Variants in PDZD2 observed in about 807,000 individuals in gnomAD.
PDZD2 encodes the protein PDZ domain-containing protein 2.
Under a neutral mutation model 220.7 loss-of-function variants are expected in PDZD2, and 90 were observed. That is an observed-to-expected ratio of 0.41 (90% CI 0.34 to 0.49). The LOEUF is 0.49. Ranked by LOEUF, PDZD2 falls within the 20% of genes least tolerant of loss-of-function variation. The probability of loss-of-function intolerance (pLI) is 0.28; values close to 1 mark genes in which losing one functional copy is unlikely to be tolerated. For missense variants in PDZD2, 3,174 were observed against 3,608.5 expected (o/e 0.88, Z 3.08); for synonymous variants, 1,375 against 1,450.5 (o/e 0.95, Z 1.18).
At chr5:31,679,929 A>C (rs1331207612) in intron 1 of PDZD2, among the ~76,000 whole-genome samples, 3 of 152,210 alleles carry the variant, frequency 2.0e-5, no homozygotes, top group Non-Finnish European at 4.4e-5. Context: ...GGAATGCCTA[A>C]ACTTACATAA....
intron 1 of PDZD2, among the ~76,000 whole-genome samples, chr5:31,781,884 G>A (rs1352046517): frequency 6.6e-6 from 1 of 152,186 alleles, no homozygotes; most frequent in East Asian, 1.9e-4. Context: ...GGCATTTAGG[G>A]AAGGCAGCTG....
rs983652518 is a variant in PDZD2 at position 31,696,218 on chromosome 5, T to G, written c.-361+56781T>G. On this transcript the variant is annotated intron_variant, in intron 1 of 24. Coordinates refer to ENST00000438447, the MANE Select transcript of PDZD2 (RefSeq NM_178140.4). The stretch of plus-strand genomic sequence containing the variant: ...AGGGGTTCAATCAGTGACTGATGAA[T>G]GAATGAATGAGTGAGCGAATGAATG... Among the ~76,000 whole-genome samples, 9 of 152,282 alleles carry G rather than the reference T, an allele frequency of 5.9e-5. No individual in the cohort carries two copies. The East Asian group carries it at 7.7e-4, about 13-fold the overall frequency.
chr5:32,035,330 G>A (rs557437558), intron 6 of PDZD2, among the ~76,000 whole-genome samples: 3 of 151,676 alleles, frequency 2.0e-5, no homozygotes, highest in South Asian at 2.1e-4. Context: ...GCGTGATCTC[G>A]GCTCACTGCA....
At chr5:31,870,811 C>A (rs577582491) in intron 2 of PDZD2, among the ~76,000 whole-genome samples, 2 of 151,744 alleles carry the variant, frequency 1.3e-5, no homozygotes, top group African/African-American at 2.4e-5. Flanking sequence ...ATTGCTTGAA[C>A]CCAGGAGGTG....
intron 3 of PDZD2, among the ~76,000 whole-genome samples, chr5:31,994,322 T>A (rs1751467318): frequency 6.6e-6 from 1 of 152,034 alleles, no homozygotes; most frequent in South Asian, 2.1e-4. Flanking sequence ...TTTTGTTTTT[T>A]TTTTAAAGAT....
At chr5:31,717,979 G>A (rs963665508) in intron 1 of PDZD2, among the ~76,000 whole-genome samples, 4 of 152,156 alleles carry the variant, frequency 2.6e-5, no homozygotes, top group Non-Finnish European at 4.4e-5. Context: ...TCTTTTCCTC[G>A]CCTCTCCTTC....
chr5:31,694,872 C>G (rs1054262411), intron 1 of PDZD2, among the ~76,000 whole-genome samples: 2 of 151,458 alleles, frequency 1.3e-5, no homozygotes, highest in African/African-American at 4.9e-5. Context: ...GCCTGTAATC[C>G]CAGCACTTTG....
At chr5:31,831,437 A>G (rs894371049) in intron 2 of PDZD2, among the ~76,000 whole-genome samples, 5 of 151,468 alleles carry the variant, frequency 3.3e-5, no homozygotes, top group Admixed American at 6.6e-5. Context: ...AACATGGTGA[A>G]ACCCCGTCTC....
rs1385913596 is a variant in PDZD2, at chr5:31,989,416, C to CTT, written c.978+5763_978+5764dup. ...TATTCTGTGGTATATACCACATTTT[C>CTT]TTTTCTTTTTTTTTTTTTTTTTTTG... On this transcript the variant is annotated intron_variant, in intron 3 of 24. Transcript: ENST00000438447. Among the ~76,000 whole-genome samples the CTT allele has an allele frequency of 2.5e-5, 3 of 120,680 alleles. 1 individual carries two copies. The East Asian group carries it at 8.7e-4, about 35-fold the overall frequency. The allele number at this position is 120,680 out of a possible 152,430, so 79.2% of individuals were successfully genotyped here.
At chr5:32,042,530 G>A (rs781245739) in intron 7 of PDZD2, among the ~76,000 whole-genome samples, 7 of 152,200 alleles carry the variant, frequency 4.6e-5, no homozygotes, top group South Asian at 4.1e-4. Context: ...CCAAGATTGC[G>A]CCACTGCTTT....
At chr5:31,888,562 GTGGTGTCTT>G (rs1740730382) in intron 2 of PDZD2, among the ~76,000 whole-genome samples, 1 of 152,240 alleles carries the variant, frequency 6.6e-6, no homozygotes, top group Non-Finnish European at 1.5e-5. Flanking sequence ...TTGTGAGGCA[GTGGTGTCTT>G]TGTAGGCTTG....
At chr5:31,655,408 A>G (rs536491680) in intron 1 of PDZD2, among the ~76,000 whole-genome samples, 3 of 152,126 alleles carry the variant, frequency 2.0e-5, no homozygotes, top group Non-Finnish European at 2.9e-5. Context: ...TCCTGACCTC[A>G]TGATCTGCCC....
chr5:32,003,165 C>T (rs1358234341), intron 5 of PDZD2, among the ~76,000 whole-genome samples: 3 of 71,214 alleles, frequency 4.2e-5, no homozygotes, highest in African/African-American at 1.2e-4. Context: ...CCAACACACA[C>T]ACCACACACC....
chr5:31,769,503 C>T (rs144007903), intron 1 of PDZD2, among the ~76,000 whole-genome samples: 236 of 152,286 alleles, frequency 1.5e-3, no homozygotes, highest in African/African-American at 4.9e-3. Flanking sequence ...AATGCACAGC[C>T]TCCAAGGTAA....
intron 6 of PDZD2, among the ~76,000 whole-genome samples, chr5:32,026,831 A>G (rs1561384761): frequency 6.6e-6 from 1 of 152,180 alleles, no homozygotes; most frequent in Non-Finnish European, 1.5e-5. Flanking sequence ...TGAAATCTGT[A>G]CTAAGGTTGA....
intron 1 of PDZD2, among the ~76,000 whole-genome samples, chr5:31,791,067 G>A (rs1403145816): frequency 6.6e-6 from 1 of 151,958 alleles, no homozygotes; most frequent in African/African-American, 2.4e-5. Context: ...GTTTCTGCTG[G>A]GTAATCACAT....
At chr5:31,691,506 C>T (rs1289090592) in intron 1 of PDZD2, among the ~76,000 whole-genome samples, 1 of 150,532 alleles carries the variant, frequency 6.6e-6, no homozygotes, top group African/African-American at 2.5e-5. Flanking sequence ...TATCTGGCGC[C>T]ACCTGCTTTT....
chr5:31,831,937 A>G (rs1466887836), intron 2 of PDZD2, among the ~76,000 whole-genome samples: 1 of 146,594 alleles, frequency 6.8e-6, no homozygotes, highest in Non-Finnish European at 1.5e-5. Flanking sequence ...AAAAAAAAGA[A>G]TAACGATGGG....
intron 14 of PDZD2, among the ~76,000 whole-genome samples, chr5:32,064,233 A>T (rs1198605939): frequency 1.3e-5 from 2 of 151,134 alleles, no homozygotes; most frequent in African/African-American, 4.9e-5. Flanking sequence ...AACCAACTCA[A>T]TTCACTTTTT....
Sources: gnomAD v4.1 joint callset for allele counts (sites outside exome capture counted in the v4.1 genomes callset) on GRCh38, gnomAD v4.1.1 for gene constraint, MANE v1.5 for transcripts, NCBI Gene and HGNC (gene_info 2026-07-23, HGNC 2026-07-21) for gene names.